The following NAV3 variants were observed in gnomAD, a reference collection of about 807,000 sequenced individuals.
The protein encoded by NAV3 is neuron navigator 3.
In NAV3, 87 loss-of-function variants were observed where a neutral mutation model predicts 244.7. That is an observed-to-expected ratio of 0.36 (90% CI 0.30 to 0.42). The LOEUF is 0.42. Among genes scored for constraint, NAV3 ranks in the 20% least tolerant of loss-of-function variants. NAV3 has a pLI of 1.00. For synonymous variants in NAV3, 1,126 were observed against 1,042.2 expected (o/e 1.08, Z -1.55); for missense variants, 2,663 against 2,893.3 (o/e 0.92, Z 1.83).
intron 2 of NAV3, among the ~76,000 whole-genome samples, chr12:77,724,493 C>G (rs935679023): frequency 2.6e-5 from 4 of 151,850 alleles, no homozygotes; most frequent in African/African-American, 9.7e-5. Context: ...ATCTCAAGTG[C>G]TCAATAATAT....
At chr12:78,025,334 A>T (rs1206507199) in intron 9 of NAV3, among the ~76,000 whole-genome samples, 1 of 152,084 alleles carries the variant, frequency 6.6e-6, no homozygotes, top group Non-Finnish European at 1.5e-5. Flanking sequence ...ATGGTGGCTC[A>T]CGCTTGTAAT....
intron 2 of NAV3, among the ~76,000 whole-genome samples, chr12:77,822,251 A>G (rs1872774870): frequency 6.6e-6 from 1 of 152,198 alleles, no homozygotes; most frequent in South Asian, 2.1e-4. Context: ...CTCTCCTGAG[A>G]AGTTCCTCGT....
At chr12:77,666,341 A>G (rs1873717443) in intron 2 of NAV3, among the ~76,000 whole-genome samples, 1 of 152,156 alleles carries the variant, frequency 6.6e-6, no homozygotes, top group African/African-American at 2.4e-5. Context: ...CCTTGTACAT[A>G]GTAGACATGC....
intron 23 of NAV3, among the ~76,000 whole-genome samples, chr12:78,163,393 A>G (rs538409199): frequency 2.6e-5 from 4 of 152,190 alleles, no homozygotes; most frequent in African/African-American, 9.6e-5. Flanking sequence ...ATGTATGAAT[A>G]ACTTAGAAGG....
chr12:77,714,745 G>A (rs1209771569), intron 2 of NAV3, among the ~76,000 whole-genome samples: 1 of 151,952 alleles, frequency 6.6e-6, no homozygotes, highest in Admixed American at 6.6e-5. Context: ...GTCTTTCCTG[G>A]AAGGAAATTT....
chr12:77,798,956 C>T (rs1592693156), intron 2 of NAV3, among the ~76,000 whole-genome samples: 1 of 152,120 alleles, frequency 6.6e-6, no homozygotes, highest in South Asian at 2.1e-4. Context: ...TGTGGCTTGG[C>T]TGGGATGGCT....
intron 1 of NAV3, among the ~76,000 whole-genome samples, chr12:77,939,938 A>G (rs1252824560): frequency 2.0e-5 from 3 of 152,216 alleles, no homozygotes; most frequent in South Asian, 2.1e-4. Flanking sequence ...TAATGTTTCT[A>G]TGTAAATCAG....
intron 24 of NAV3, among the ~76,000 whole-genome samples, chr12:78,169,185 A>G (rs1374805480): frequency 6.6e-6 from 1 of 151,714 alleles, no homozygotes; most frequent in Non-Finnish European, 1.5e-5. Context: ...GTTGGTTAAT[A>G]CATGCATATC....
At chr12:77,968,446 A>C in intron 4 of NAV3, 73 bp from the exon 5 acceptor site, 1 of 1,143,494 alleles carries the variant, frequency 8.7e-7, no homozygotes, top group South Asian at 1.3e-5. Context: ...TTTCAAGAGA[A>C]ATGCATCTAG....
chr12:77,623,498 C>T (rs942707351), intron 2 of NAV3, among the ~76,000 whole-genome samples: 15 of 152,162 alleles, frequency 9.9e-5, no homozygotes, highest in Non-Finnish European at 8.8e-5. Context: ...AAAGTGCCCA[C>T]ACAGCTCTTG....
upstream of NAV3, among the ~76,000 whole-genome samples, chr12:77,826,858 T>C (rs961998404): frequency 1.3e-5 from 2 of 152,172 alleles, no homozygotes; most frequent in African/African-American, 2.4e-5. Context: ...ACTGGCCACA[T>C]TGAATTATTT....
intron 2 of NAV3, among the ~76,000 whole-genome samples, chr12:77,754,666 A>G (rs1367959596): frequency 6.6e-6 from 1 of 152,192 alleles, no homozygotes; most frequent in African/African-American, 2.4e-5. Flanking sequence ...TGGCAGCCCC[A>G]TTGACTAGTA....
At chr12:78,051,202 T>C (rs1882708080) in intron 11 of NAV3, 55 bp downstream of exon 11, 2 of 1,538,704 alleles carry the variant, frequency 1.3e-6, no homozygotes, top group South Asian at 2.5e-5. Flanking sequence ...TGGTCTACTA[T>C]AATGCATTCA....
chr12:78,147,435 G>A (rs182399727), intron 21 of NAV3, among the ~76,000 whole-genome samples: 1 of 151,978 alleles, frequency 6.6e-6, no homozygotes, highest in East Asian at 1.9e-4. Flanking sequence ...CAGTTTCCTG[G>A]ATTATATTTT....
intron 9 of NAV3, among the ~76,000 whole-genome samples, chr12:78,027,455 G>A (rs1878256341): frequency 6.6e-6 from 1 of 151,414 alleles, no homozygotes; most frequent in Admixed American, 6.6e-5. Flanking sequence ...AAAAAAAAAG[G>A]GTGGGGGGCC....
intron 2 of NAV3, among the ~76,000 whole-genome samples, chr12:77,646,292 T>C (rs115913836): frequency 6.6e-6 from 1 of 152,146 alleles, no homozygotes; most frequent in Admixed American, 6.5e-5. Context: ...TAAAGCACGC[T>C]ATATAATTTT....
chr12:77,879,037 T>C (rs747078948), intron 1 of NAV3, among the ~76,000 whole-genome samples: 15 of 152,176 alleles, frequency 9.9e-5, no homozygotes, highest in Non-Finnish European at 2.2e-4. Flanking sequence ...TTATTTTTAC[T>C]GACCCTTGCA....
At chr12:77,968,484 TATG>T (rs1315078983) in intron 4 of NAV3, 32 bp from the exon 5 acceptor site, 2 of 1,525,566 alleles carry the variant, frequency 1.3e-6, no homozygotes, top group Non-Finnish European at 9.1e-7. Context: ...ATTAAATACA[TATG>T]ATTCTTTTTT....
intron 39 of NAV3, 99 bp downstream of exon 39, chr12:78,205,237 C>A: frequency 1.6e-6 from 2 of 1,271,096 alleles, no homozygotes; most frequent in South Asian, 1.4e-5. Context: ...TTATCCTAAG[C>A]AACATTTGGA....
Sources: allele counts gnomAD v4.1 joint callset (sites outside exome capture counted in the v4.1 genomes callset), GRCh38; gene constraint gnomAD v4.1.1; transcripts MANE v1.5; gene names NCBI Gene and HGNC (gene_info 2026-07-23, HGNC 2026-07-21).